Variants in B3GALT1 observed in about 807,000 individuals in gnomAD.
The protein encoded by B3GALT1 is UDP-Gal:betaGlcNAc beta 1,3-galactosyltransferase, polypeptide 1.
B3GALT1 carries 10 observed loss-of-function variants against 23.2 expected under a neutral mutation model. The observed-to-expected ratio is 0.43, with a 90% CI of 0.27 to 0.73. B3GALT1 has a LOEUF of 0.73. Among genes scored for constraint, B3GALT1 ranks in the 30% least tolerant of loss-of-function variants. B3GALT1 has a pLI of 0.21. For synonymous variants in B3GALT1, 156 were observed against 141.5 expected (o/e 1.10, Z -0.73); for missense variants, 299 against 405.4 (o/e 0.74, Z 2.25).
intron 2 of B3GALT1, among the ~76,000 whole-genome samples, chr2:167,572,491 A>G (rs1370127273): frequency 6.6e-6 from 1 of 151,844 alleles, no homozygotes; most frequent in African/African-American, 2.4e-5. Context: ...ATTCCAGTAC[A>G]TTAAATTTGC....
intron 2 of B3GALT1, among the ~76,000 whole-genome samples, chr2:167,504,498 T>A (rs75739567): frequency 4.6e-5 from 7 of 152,138 alleles, no homozygotes; most frequent in African/African-American, 1.4e-4. Context: ...TATGTGACCA[T>A]GAAAATGCCT....
intron 4 of B3GALT1, among the ~76,000 whole-genome samples, chr2:167,828,335 G>A (rs572138934): frequency 3.3e-5 from 5 of 152,262 alleles, no homozygotes; most frequent in East Asian, 3.9e-4. Flanking sequence ...TCTCAAGCTC[G>A]AGTGAAATAA....
chr2:167,713,762 A>C, intron 3 of B3GALT1: 1 of 1,588,476 alleles, frequency 6.3e-7, no homozygotes, highest in Non-Finnish European at 8.6e-7. Context: ...GTTGGGGTAA[A>C]ATCCAGGTCT....
chr2:167,557,885 A>G lies in B3GALT1; in HGVS notation c.-410+67608A>G, dbSNP rs1433075752. On this transcript the variant is annotated intron_variant, in intron 2 of 4. Coordinates refer to ENST00000392690, the MANE Select transcript of B3GALT1 (RefSeq NM_020981.4). ...AGCATCACTTATATAGTAGTTTTATATTCAGTCTAAACCTTTGCAAACTGT... is the reference window on the plus strand; with the variant it reads ...AGCATCACTTATATAGTAGTTTTATGTTCAGTCTAAACCTTTGCAAACTGT... 2.0e-5 allele frequency among the ~76,000 whole-genome samples: 3 copies of G among 152,228 alleles called. No homozygotes were observed. The East Asian group carries it at 5.8e-4, about 29-fold the overall frequency.
intron 2 of B3GALT1, among the ~76,000 whole-genome samples, chr2:167,625,146 G>T (rs552429882): frequency 6.6e-6 from 1 of 151,942 alleles, no homozygotes; most frequent in African/African-American, 2.4e-5. Context: ...CTAAAGTGCA[G>T]GTAAATTGGA....
At chr2:167,564,111 C>A (rs1029466255) in intron 2 of B3GALT1, among the ~76,000 whole-genome samples, 1 of 150,526 alleles carries the variant, frequency 6.6e-6, no homozygotes, top group African/African-American at 2.5e-5. Context: ...TCAGACGGGG[C>A]GGCTGCCTGG....
chr2:167,424,573 G>A lies in B3GALT1; in HGVS notation c.-510-65604G>A, dbSNP rs147899632. On this transcript the variant is annotated intron_variant, in intron 1 of 4. Coordinates refer to ENST00000392690, the MANE Select transcript of B3GALT1 (RefSeq NM_020981.4). ...AGTGTGTGTGTGTGTTTGTGTGTGT[G>A]TGTTTGTGTTTGTGTGTATGTGTGT... Among the ~76,000 whole-genome samples the A allele has an allele frequency of 3.1e-3, 479 of 152,172 alleles. 5 individuals are homozygous for A. The highest frequency in any genetic ancestry group is 4.4e-3 in the South Asian group (21 of 4,818).
At chr2:167,465,034 C>T (rs919081388) in intron 1 of B3GALT1, among the ~76,000 whole-genome samples, 2 of 152,056 alleles carry the variant, frequency 1.3e-5, no homozygotes, top group African/African-American at 4.8e-5. Context: ...TCACAAGTTA[C>T]TTTGGGGGTG....
intron 2 of B3GALT1, among the ~76,000 whole-genome samples, chr2:167,556,597 C>T (rs1188010417): frequency 6.6e-6 from 1 of 152,092 alleles, no homozygotes; most frequent in Admixed American, 6.5e-5. Flanking sequence ...TATTTAAACT[C>T]AAGAACCTCA....
chr2:167,336,011 TA>T (rs555283831), intron 1 of B3GALT1, among the ~76,000 whole-genome samples: 259 of 150,856 alleles, frequency 1.7e-3, no homozygotes, highest in African/African-American at 5.2e-3. Flanking sequence ...AAGTTTTGAT[TA>T]AAAAAAAACG....
intron 2 of B3GALT1, among the ~76,000 whole-genome samples, chr2:167,507,012 C>T (rs1300380360): frequency 6.6e-6 from 1 of 152,040 alleles, no homozygotes; most frequent in Non-Finnish European, 1.5e-5. Context: ...AATGGAGAAT[C>T]ATTAAAAGTT....
At chr2:167,617,245 T>A (rs1368952149) in intron 2 of B3GALT1, among the ~76,000 whole-genome samples, 1 of 151,960 alleles carries the variant, frequency 6.6e-6, no homozygotes, top group Non-Finnish European at 1.5e-5. Flanking sequence ...AATGGAAGAG[T>A]TGAGGAGAAA....
intron 2 of B3GALT1, among the ~76,000 whole-genome samples, chr2:167,551,867 A>T (rs547702861): frequency 6.6e-6 from 1 of 152,160 alleles, no homozygotes. Flanking sequence ...CTGGGAGCAC[A>T]CTGGAGGGGG....
Position 167,622,146 on chromosome 2 carries a change from G to A in B3GALT1, c.-409-24763G>A, listed in dbSNP as rs148504223. ...CACATAATCTCCTCCACATGTCTGT[G>A]TTCTTGGGAAAGACAATTCTATCAC... On this transcript the variant is annotated intron_variant, in intron 2 of 4. Transcript: ENST00000392690. Among the ~76,000 whole-genome samples the A allele has an allele frequency of 5.3e-5, 8 of 152,162 alleles. No individual in the cohort carries two copies. In the East Asian group the frequency reaches 1.6e-3, roughly 30 times the overall value.
intron 2 of B3GALT1, among the ~76,000 whole-genome samples, chr2:167,566,426 C>T (rs1016121753): frequency 6.6e-6 from 1 of 151,662 alleles, no homozygotes; most frequent in African/African-American, 2.4e-5. Context: ...GGGTGCAGCA[C>T]ACCATCATGA....
At chr2:167,676,713 C>G (rs1486625701) in intron 3 of B3GALT1, among the ~76,000 whole-genome samples, 13 of 152,098 alleles carry the variant, frequency 8.5e-5, no homozygotes, top group Non-Finnish European at 1.9e-4. Context: ...AGGCGCCCAC[C>G]ACCAGTAGAG....
intron 1 of B3GALT1, among the ~76,000 whole-genome samples, chr2:167,460,107 T>C (rs1290245231): frequency 6.6e-6 from 1 of 152,240 alleles, no homozygotes; most frequent in Non-Finnish European, 1.5e-5. Context: ...GAGTTCATCT[T>C]ACTTGCAGTT....
chr2:167,480,481 T>C (rs1221287690), intron 1 of B3GALT1, among the ~76,000 whole-genome samples: 1 of 152,178 alleles, frequency 6.6e-6, no homozygotes, highest in African/African-American at 2.4e-5. Context: ...TGCAGCTTTG[T>C]GCAGCTGTGG....
At chr2:167,853,166 T>C (rs1160924481) in intron 4 of B3GALT1, among the ~76,000 whole-genome samples, 2 of 152,184 alleles carry the variant, frequency 1.3e-5, no homozygotes, top group African/African-American at 2.4e-5. Context: ...AATATTCAGA[T>C]GATCAAAACC....
Sources: allele counts gnomAD v4.1 joint callset (sites outside exome capture counted in the v4.1 genomes callset), GRCh38; gene constraint gnomAD v4.1.1; transcripts MANE v1.5; gene names NCBI Gene and HGNC (gene_info 2026-07-23, HGNC 2026-07-21).